Variants in YWHAH observed in about 807,000 individuals in gnomAD.
YWHAH encodes 14-3-3 protein eta.
In YWHAH, 6 loss-of-function variants were observed where a neutral mutation model predicts 22.9. The ratio of observed to expected loss-of-function variants is 0.26; its 90% CI spans 0.14 to 0.52. YWHAH has a LOEUF of 0.52. YWHAH is among the 20% of genes least tolerant of loss of function. The pLI, the probability that YWHAH is intolerant of heterozygous loss-of-function variation, is 0.97. For synonymous variants in YWHAH, 135 were observed against 124.5 expected (o/e 1.08, Z -0.56); for missense variants, 173 against 308.6 (o/e 0.56, Z 3.29).
chr22:31,946,191 ACTTGAGCAC>A (rs1440454884), intron 1 of YWHAH, among the ~76,000 whole-genome samples: 1 of 152,140 alleles, frequency 6.6e-6, no homozygotes, highest in African/African-American at 2.4e-5. Context: ...GGTGATCTTG[ACTTGAGCAC>A]TATTAGCATG....
chr22:31,952,108 A>C (rs1263703075), intron 1 of YWHAH, among the ~76,000 whole-genome samples: 1 of 152,136 alleles, frequency 6.6e-6, no homozygotes, highest in African/African-American at 2.4e-5. Context: ...GCTGAAAACT[A>C]TTGTCTAGGC....
chr22:31,946,855 A>G (rs2093835580), intron 1 of YWHAH, among the ~76,000 whole-genome samples: 1 of 152,196 alleles, frequency 6.6e-6, no homozygotes. Context: ...TATAATATCT[A>G]TATTTGAAAT....
At chr22:31,950,735 A>G (rs896764429) in intron 1 of YWHAH, among the ~76,000 whole-genome samples, 7 of 152,114 alleles carry the variant, frequency 4.6e-5, no homozygotes, top group African/African-American at 1.7e-4. Context: ...CCTGGTGAGG[A>G]TAAGGGGCTC....
chr22:31,952,143 G>T (rs759685506), intron 1 of YWHAH, among the ~76,000 whole-genome samples: 5 of 152,226 alleles, frequency 3.3e-5, no homozygotes, highest in Non-Finnish European at 7.3e-5. Context: ...CTGTCTTGTT[G>T]TTGCTTCATG....
At chr22:31,954,804 G>A (rs1603054656) in intron 1 of YWHAH, among the ~76,000 whole-genome samples, 1 of 152,158 alleles carries the variant, frequency 6.6e-6, no homozygotes, top group East Asian at 1.9e-4. Flanking sequence ...TTGCACTTAG[G>A]GCACACCCTA....
intron 1 of YWHAH, chr22:31,947,531 C>T (rs1187787845): frequency 4.3e-6 from 2 of 468,424 alleles, no homozygotes; most frequent in African/African-American, 4.0e-5. Context: ...ATGGTCTTGC[C>T]TCAAACCTGT....
In YWHAH at chr22:31,956,681, A is replaced by G. The variant is rs775297184; in HGVS notation, c.630A>G (p.Thr210=). Reference sequence around the variant, plus strand: ...ATGATGCCATAGCTGAGCTGGACACACTAAACGAGGATTCCTATAAGGACT... The same window carrying G: ...ATGATGCCATAGCTGAGCTGGACACGCTAAACGAGGATTCCTATAAGGACT... The part of the protein sequence containing the change: ...AFDDAIAELD[T]LNEDSYKDST... Residue 210 remains threonine (T), a synonymous_variant, in exon 2 of 2, where the codon ACA becomes ACG. Transcript: ENST00000248975. The surrounding 1 kb of genome is among the most constrained non-coding windows in gnomAD (Gnocchi z 5.1). 1 of 1,614,174 alleles carries G rather than the reference A, an allele frequency of 6.2e-7. No individual in the cohort carries two copies. The highest frequency in any genetic ancestry group is 8.5e-7 in the Non-Finnish European group (1 of 1,180,026).
In YWHAH at chr22:31,944,811, T is replaced by A. The variant is rs939640024; in HGVS notation, c.78T>A (p.Ala26=). The A allele has an allele frequency of 2.4e-5, 34 of 1,393,764 alleles. No homozygotes were observed. In the African/African-American group the frequency reaches 4.8e-4, roughly 20 times the overall value. 86.3% of individuals were successfully genotyped at this position (1,393,764 alleles called of 1,614,324 possible). A position where few individuals can be genotyped will look rare whatever the true frequency, so the allele number is the denominator to read the frequency against. Residue 26 remains alanine, a synonymous_variant, in exon 1 of 2, where the codon GCT becomes GCA. Coordinates refer to ENST00000248975, the MANE Select transcript of YWHAH (RefSeq NM_003405.4). ...QAERYDDMAS[A]MKAVTELNEP... is the part of the protein sequence containing the mutation. ...AGCGCTACGACGACATGGCCTCCGCTATGAAGGCGGTGAGCGCGCCGGGAG... is the reference window on the plus strand; with the variant it reads ...AGCGCTACGACGACATGGCCTCCGCAATGAAGGCGGTGAGCGCGCCGGGAG...
chr22:31,945,655 T>C, intron 1 of YWHAH: 1 of 1,280,324 alleles, frequency 7.8e-7, no homozygotes, highest in South Asian at 1.2e-5. Context: ...TCTCACTCTC[T>C]CTCCACGTTA....
At chr22:31,949,529 GCT>G (rs1429182382) in intron 1 of YWHAH, among the ~76,000 whole-genome samples, 1 of 150,858 alleles carries the variant, frequency 6.6e-6, no homozygotes, top group African/African-American at 2.4e-5. Flanking sequence ...GGGGAGTCAT[GCT>G]CTGTCACCCA....
intron 1 of YWHAH, among the ~76,000 whole-genome samples, chr22:31,949,783 A>G (rs563715210): frequency 6.6e-6 from 1 of 152,186 alleles, no homozygotes; most frequent in Non-Finnish European, 1.5e-5. Flanking sequence ...TTCAAACTCA[A>G]ATTTAGAGCT....
chr22:31,945,009 G>GCC lies in YWHAH; in HGVS notation c.87+191_87+192dup, dbSNP rs1313120000. The stretch of plus-strand genomic sequence containing the variant: ...GCGCCCCGCCACTTCCTGAGGCTGG[G>GCC]CCCAGGGTGGGGGATCCGGGAGGGT... On this transcript the variant is annotated intron_variant, in intron 1 of 1. Coordinates refer to ENST00000248975, the MANE Select transcript of YWHAH (RefSeq NM_003405.4). The GCC allele has an allele frequency of 2.5e-5, 28 of 1,118,404 alleles. 1 individual carries two copies. In the South Asian group the frequency reaches 9.9e-4, roughly 40 times the overall value. 69.3% of individuals were successfully genotyped at this position (1,118,404 alleles called of 1,614,324 possible).
rs1254007946 is a variant in YWHAH at position 31,956,639 on chromosome 22, A to G, written c.588A>G (p.Leu196=). ...IQNAPEQACL[L]AKQAFDDAIA... is the part of the protein sequence containing the mutation. ...ATGCACCTGAGCAAGCCTGCCTCTT[A>G]GCCAAACAAGCCTTCGATGATGCCA... Residue 196 remains leucine (L), a synonymous_variant, in exon 2 of 2, where the codon TTA becomes TTG. Coordinates refer to ENST00000248975, the MANE Select transcript of YWHAH (RefSeq NM_003405.4). The surrounding 1 kb of genome is among the most constrained non-coding windows in gnomAD (Gnocchi z 5.1). The G allele has an allele frequency of 6.2e-7, 1 of 1,614,162 alleles. No homozygotes were observed. The highest frequency in any genetic ancestry group is 2.2e-5 in the East Asian group (1 of 44,880).
intron 1 of YWHAH, chr22:31,947,376 C>A (rs957495481): frequency 2.1e-6 from 1 of 465,988 alleles, no homozygotes; most frequent in Non-Finnish European, 4.5e-6. Context: ...CTTCAGTCTT[C>A]TAACTTGTTT....
At position 31,949,514 on chromosome 22, in the gene YWHAH, G is replaced by T. The variant is rs116964233; in HGVS notation, c.87+4694G>T. On this transcript the variant is annotated intron_variant, in intron 1 of 1. Transcript: ENST00000248975. ...GTCCATGTGTACTTTTTTTTTTGGT[G>T]GGGGGGGGAGTCATGCTCTGTCACC... 6.7e-4 allele frequency among the ~76,000 whole-genome samples: 98 copies of T among 145,580 alleles called. 2 individuals carry two copies. In the East Asian group the frequency reaches 0.012, roughly 18 times the overall value.
rs60830862 is a variant in YWHAH at position 31,955,439 on chromosome 22, C to CTTTTT, written c.88-684_88-680dup. Reference sequence around the variant, plus strand: ...CGTACGATCTTACTGTTCAGAGTATCTTTTTTTTTTTTTTTTTTTTCTTTT... The same window carrying CTTTTT: ...CGTACGATCTTACTGTTCAGAGTATCTTTTTTTTTTTTTTTTTTTTTTTTTCTTTT... On this transcript the variant is annotated intron_variant, in intron 1 of 1. Coordinates refer to ENST00000248975, the MANE Select transcript of YWHAH (RefSeq NM_003405.4). Among the ~76,000 whole-genome samples the CTTTTT allele has an allele frequency of 2.1e-4, 26 of 126,724 alleles. 1 individual carries two copies. The highest frequency in any genetic ancestry group is 2.5e-4 in the East Asian group (1 of 4,014). The allele number at this position is 126,724 out of a possible 152,430, so 83.1% of individuals were successfully genotyped here.
chr22:31,952,250 G>C (rs770058495), intron 1 of YWHAH, among the ~76,000 whole-genome samples: 5 of 152,212 alleles, frequency 3.3e-5, no homozygotes, highest in Non-Finnish European at 5.9e-5. Context: ...CCATTACTCT[G>C]TGTTGCCACC....
chr22:31,946,242 C>G (rs2093834387), intron 1 of YWHAH, among the ~76,000 whole-genome samples: 1 of 152,074 alleles, frequency 6.6e-6, no homozygotes, highest in Non-Finnish European at 1.5e-5. Flanking sequence ...TCTTCCAGAC[C>G]GGGGGACGGT....
chr22:31,945,254 C>T (rs2093832210), intron 1 of YWHAH: 1 of 1,150,768 alleles, frequency 8.7e-7, no homozygotes, highest in Non-Finnish European at 1.1e-6. Flanking sequence ...CGCCCTGTCT[C>T]AGCTGGTTTT....
Sources: gnomAD v4.1 joint callset for allele counts (sites outside exome capture counted in the v4.1 genomes callset) on GRCh38, gnomAD v4.1.1 for gene constraint, Gnocchi (gnomAD v3.1) non-coding constraint, MANE v1.5 for transcripts, NCBI Gene and HGNC (gene_info 2026-07-23, HGNC 2026-07-21) for gene names.